CELF2: variants seen among roughly 807,000 people sequenced by gnomAD.
The protein encoded by CELF2 is CUGBP Elav-like family member 2, also known as CUG triplet repeat RNA-binding protein 2.
In CELF2, 8 loss-of-function variants were observed where a neutral mutation model predicts 62.6. The ratio of observed to expected loss-of-function variants is 0.13; its 90% CI spans 0.07 to 0.23. CELF2 has a LOEUF of 0.23. Among genes scored for constraint, CELF2 ranks in the 10% least tolerant of loss-of-function variants. The probability of loss-of-function intolerance (pLI) is 1.00; values close to 1 mark genes in which losing one functional copy is unlikely to be tolerated. For missense variants in CELF2, 333 were observed against 671.0 expected (o/e 0.50, Z 5.56); for synonymous variants, 258 against 250.0 (o/e 1.03, Z -0.30).
At position 11,268,777 on chromosome 10, in the gene CELF2, T is replaced by C. The variant is rs1004036177; in HGVS notation, c.619-1889T>C. 2.6e-5 allele frequency among the ~76,000 whole-genome samples: 4 copies of C among 152,236 alleles called. No individual in the cohort carries two copies. The highest frequency in any genetic ancestry group is 5.9e-5 in the Non-Finnish European group (4 of 68,044). ...ATAATTGTTTGACTAACGTTGTTTA[T>C]TTTTAACTAATTATATTATTTCCAG... On this transcript the variant is annotated intron_variant, in intron 6 of 12. Transcript: ENST00000633077. The surrounding 1 kb of genome is among the most constrained non-coding windows in gnomAD (Gnocchi z 4.7).
At chr10:10,883,560 G>C (rs1035293612) in intron 1 of CELF2, among the ~76,000 whole-genome samples, 2 of 152,118 alleles carry the variant, frequency 1.3e-5, no homozygotes, top group African/African-American at 4.8e-5. Context: ...GCATTTTTAG[G>C]CTCTGGGGAG....
At chr10:11,111,347 G>T (rs1475944957) in intron 1 of CELF2, among the ~76,000 whole-genome samples, 2 of 152,200 alleles carry the variant, frequency 1.3e-5, no homozygotes, top group African/African-American at 2.4e-5. Flanking sequence ...TAGCTTCATA[G>T]AGTGGATTCT....
At chr10:10,736,350 G>T in the CELF2 span, among the ~76,000 whole-genome samples, 1 of 118,086 alleles carries the variant, frequency 8.5e-6, no homozygotes, top group Non-Finnish European at 1.8e-5. Flanking sequence ...CTGCTAAACT[G>T]ATTTCTATTC....
chr10:11,209,610 A>T (rs2061305073), intron 2 of CELF2, among the ~76,000 whole-genome samples: 3 of 148,466 alleles, frequency 2.0e-5, no homozygotes, highest in South Asian at 4.3e-4. Context: ...TTTCTTGAAA[A>T]TTTTAATTCA....
chr10:10,931,637 C>A lies in CELF2; in HGVS notation c.89+11638C>A, dbSNP rs761008575. Among the ~76,000 whole-genome samples, 1 of 152,124 alleles carries A rather than the reference C, an allele frequency of 6.6e-6. No homozygotes were observed. Among genetic ancestry groups the A allele is most frequent in the African/African-American group, 2.4e-5 (1 of 41,410 alleles). Reference sequence around the variant, plus strand: ...ATTTATTTCCAAATTAGGCTTTCAACGTAATAGGTTTCTGCGTATGGTTTA... The same window carrying A: ...ATTTATTTCCAAATTAGGCTTTCAAAGTAATAGGTTTCTGCGTATGGTTTA... On this transcript the variant is annotated intron_variant, in intron 2 of 13. Coordinates refer to the CELF2 transcript ENST00000636488. This position sits in a 1 kb window ranked among gnomAD's most constrained non-coding sequence, Gnocchi z 6.1.
intron 2 of CELF2, among the ~76,000 whole-genome samples, chr10:10,988,779 T>C (rs950210905): frequency 3.3e-5 from 5 of 152,074 alleles, no homozygotes; most frequent in African/African-American, 1.2e-4. Flanking sequence ...CTTAAACCGA[T>C]AGTTGGGTAA....
the CELF2 span, among the ~76,000 whole-genome samples, chr10:10,634,804 GGC>G: frequency 6.6e-6 from 1 of 151,968 alleles, no homozygotes; most frequent in Non-Finnish European, 1.5e-5. Flanking sequence ...TGGGACTACA[GGC>G]ATGTGCCACC....
chr10:10,651,243 G>C, the CELF2 span, among the ~76,000 whole-genome samples: 1 of 132,902 alleles, frequency 7.5e-6, no homozygotes, highest in Non-Finnish European at 1.7e-5. Flanking sequence ...CTCGCTGATT[G>C]CTAGCACAGC....
At chr10:11,282,252 G>A (rs1254612545) in intron 8 of CELF2, among the ~76,000 whole-genome samples, 1 of 152,200 alleles carries the variant, frequency 6.6e-6, no homozygotes. Flanking sequence ...AGAAGGAAGA[G>A]GTCAGAACAG....
chr10:10,768,321 T>C, the CELF2 span, among the ~76,000 whole-genome samples: 1 of 152,090 alleles, frequency 6.6e-6, no homozygotes, highest in Non-Finnish European at 1.5e-5. Context: ...AGCAAAGCCC[T>C]GCATGGGATT....
At chr10:10,637,386 T>C in the CELF2 span, among the ~76,000 whole-genome samples, 1 of 152,154 alleles carries the variant, frequency 6.6e-6, no homozygotes, top group Non-Finnish European at 1.5e-5. Context: ...GCCACTGCAA[T>C]TTGCTCTGCA....
the CELF2 span, among the ~76,000 whole-genome samples, chr10:10,462,969 T>C: frequency 6.6e-6 from 1 of 152,100 alleles, no homozygotes; most frequent in African/African-American, 2.4e-5. Flanking sequence ...CGGGTTTTAA[T>C]AGGTACCTTG....
chr10:11,226,600 C>CCACACACACACACACACACACACA (rs59521803), intron 3 of CELF2, among the ~76,000 whole-genome samples: 1 of 25,896 alleles, frequency 3.9e-5, no homozygotes, highest in African/African-American at 6.0e-5. Flanking sequence ...CAGGCAGTGG[C>CCACACACACACACACACACACACA]CACACACACA....
Position 11,218,442 on chromosome 10 carries a change from A to T in CELF2, c.354+935A>T, listed in dbSNP as rs181296039. 7.9e-5 allele frequency among the ~76,000 whole-genome samples: 12 copies of T among 152,342 alleles called. No homozygotes were observed. In the East Asian group the frequency reaches 9.6e-4, roughly 12 times the overall value. On this transcript the variant is annotated intron_variant, in intron 3 of 12. Transcript: ENST00000633077. ...AACACCTCTGTGTATATACACATTCACACATGCACACATAACCATTGAACC... is the reference window on the plus strand; with the variant it reads ...AACACCTCTGTGTATATACACATTCTCACATGCACACATAACCATTGAACC...
the CELF2 span, among the ~76,000 whole-genome samples, chr10:10,492,574 T>C: frequency 6.6e-6 from 1 of 152,092 alleles, no homozygotes; most frequent in African/African-American, 2.4e-5. Context: ...TCTGAGTACA[T>C]AGCCAAAGGA....
the CELF2 span, among the ~76,000 whole-genome samples, chr10:10,565,750 A>C: frequency 1.3e-5 from 2 of 152,234 alleles, no homozygotes; most frequent in African/African-American, 4.8e-5. Flanking sequence ...CTGTTACTTC[A>C]GCCTGAGAGC....
At chr10:11,186,296 C>CTTTTTTTTTT (rs57327671) in intron 2 of CELF2, among the ~76,000 whole-genome samples, 2 of 115,506 alleles carry the variant, frequency 1.7e-5, no homozygotes, top group East Asian at 2.6e-4. Flanking sequence ...GGTTTTGTTG[C>CTTTTTTTTTT]TTTTTTTTTT....
Position 11,217,868 on chromosome 10 carries a change from G to T in CELF2, c.354+361G>T, listed in dbSNP as rs1290693003. ...AAAAGAAAAAGCTTTTATTCACCAG[G>T]AGCTCCTTTTCAAATTTTGTCTTTA... On this transcript the variant is annotated intron_variant, in intron 3 of 12. Coordinates refer to ENST00000633077, the MANE Select transcript of CELF2 (RefSeq NM_001326342.2). This position sits in a 1 kb window ranked among gnomAD's most constrained non-coding sequence, Gnocchi z 5.6. 2.0e-5 allele frequency among the ~76,000 whole-genome samples: 3 copies of T among 152,162 alleles called. No homozygotes were observed. The highest frequency in any genetic ancestry group is 2.1e-4 in the South Asian group (1 of 4,830).
the CELF2 span, among the ~76,000 whole-genome samples, chr10:10,730,805 C>A: frequency 6.6e-6 from 1 of 152,188 alleles, no homozygotes; most frequent in African/African-American, 2.4e-5. Flanking sequence ...GGCCAGCTCA[C>A]TGCTAGTGGG....
Sources: gnomAD v4.1 joint callset for allele counts (sites outside exome capture counted in the v4.1 genomes callset) on GRCh38, gnomAD v4.1.1 for gene constraint, Gnocchi (gnomAD v3.1) non-coding constraint, MANE v1.5 for transcripts, NCBI Gene and HGNC (gene_info 2026-07-23, HGNC 2026-07-21) for gene names.